The following MACROD2 variants were observed in gnomAD, a reference collection of about 807,000 sequenced individuals.
MACROD2 encodes the protein ADP-ribose glycohydrolase MACROD2.
Under a neutral mutation model 70.4 loss-of-function variants are expected in MACROD2, and 36 were observed. The observed-to-expected ratio is 0.51, with a 90% CI of 0.39 to 0.68. The LOEUF (loss-of-function observed/expected upper bound fraction) is 0.68. Among genes scored for constraint, MACROD2 ranks in the 30% least tolerant of loss-of-function variants. The probability of loss-of-function intolerance (pLI) is 0.00; values close to 1 mark genes in which losing one functional copy is unlikely to be tolerated. For synonymous variants in MACROD2, 172 were observed against 178.8 expected (o/e 0.96, Z 0.30); for missense variants, 496 against 538.4 (o/e 0.92, Z 0.78).
intron 6 of MACROD2, among the ~76,000 whole-genome samples, chr20:15,283,099 A>G (rs144489302): frequency 1.9e-3 from 285 of 152,320 alleles, no homozygotes; most frequent in Non-Finnish European, 2.9e-3. Context: ...TCACAAGAAC[A>G]GAATGGGGGA....
At chr20:14,569,496 C>A (rs1342712368) in intron 4 of MACROD2, among the ~76,000 whole-genome samples, 1 of 151,822 alleles carries the variant, frequency 6.6e-6, no homozygotes, top group Non-Finnish European at 1.5e-5. Flanking sequence ...TATTCAGTAT[C>A]CTCCACAACC....
intron 15 of MACROD2, among the ~76,000 whole-genome samples, chr20:16,003,975 T>C (rs1327712937): frequency 6.6e-6 from 1 of 152,124 alleles, no homozygotes; most frequent in East Asian, 1.9e-4. Flanking sequence ...GGCCAAAATT[T>C]TGCATTTTTA....
intron 8 of MACROD2, among the ~76,000 whole-genome samples, chr20:15,801,482 G>GAAAAA (rs71190201): frequency 7.0e-6 from 1 of 143,416 alleles, no homozygotes; most frequent in African/African-American, 2.6e-5. Context: ...TATCAAACAT[G>GAAAAA]AAAAAAAAAA....
chr20:15,549,930 T>C (rs1475802840), intron 8 of MACROD2, among the ~76,000 whole-genome samples: 1 of 152,002 alleles, frequency 6.6e-6, no homozygotes, highest in African/African-American at 2.4e-5. Context: ...AAATGCGACA[T>C]ATATACCCTA....
chr20:14,712,477 T>C (rs1015386960), intron 5 of MACROD2, among the ~76,000 whole-genome samples: 1 of 152,180 alleles, frequency 6.6e-6, no homozygotes, highest in African/African-American at 2.4e-5. Context: ...TGATACACGT[T>C]GAATGCCCTG....
chr20:14,530,249 A>G (rs1443736584), intron 4 of MACROD2, among the ~76,000 whole-genome samples: 1 of 152,200 alleles, frequency 6.6e-6, no homozygotes, highest in Admixed American at 6.5e-5. Flanking sequence ...AGGCAAAGAC[A>G]TACAGATATT....
At chr20:14,751,577 A>G (rs1300834514) in intron 5 of MACROD2, among the ~76,000 whole-genome samples, 2 of 152,232 alleles carry the variant, frequency 1.3e-5, no homozygotes, top group Non-Finnish European at 2.9e-5. Flanking sequence ...CTGAAGTTAA[A>G]TAAAGCACTG....
At chr20:14,511,499 G>A (rs1393319089) in intron 4 of MACROD2, among the ~76,000 whole-genome samples, 1 of 151,966 alleles carries the variant, frequency 6.6e-6, no homozygotes, top group Non-Finnish European at 1.5e-5. Flanking sequence ...TAATATCTGT[G>A]ATCTTTTTGG....
At chr20:14,836,973 A>T (rs1483396612) in intron 5 of MACROD2, among the ~76,000 whole-genome samples, 7 of 152,040 alleles carry the variant, frequency 4.6e-5, no homozygotes, top group Non-Finnish European at 8.8e-5. Flanking sequence ...AGAGTTCATA[A>T]AAGTTTTTCA....
chr20:15,772,064 G>A (rs374733603), intron 8 of MACROD2, among the ~76,000 whole-genome samples: 41 of 121,786 alleles, frequency 3.4e-4, no homozygotes, highest in African/African-American at 1.2e-3. Flanking sequence ...CAGCCTGAGC[G>A]ACAAAGTGAG....
intron 6 of MACROD2, among the ~76,000 whole-genome samples, chr20:15,349,777 C>T (rs1451565001): frequency 2.1e-5 from 3 of 144,300 alleles, no homozygotes; most frequent in Non-Finnish European, 4.6e-5. Flanking sequence ...AAACACACCA[C>T]GAAAAATTAT....
chr20:14,490,867 A>C (rs530857006), intron 3 of MACROD2, among the ~76,000 whole-genome samples: 11 of 152,268 alleles, frequency 7.2e-5, no homozygotes, highest in African/African-American at 2.2e-4. Context: ...AACTTCAGTA[A>C]ACAAATCCCT....
rs1359109237 is a variant in MACROD2, at chr20:15,470,876, T to G, written c.572-28898T>G. Among the ~76,000 whole-genome samples the G allele has an allele frequency of 3.3e-5, 5 of 152,206 alleles. No homozygotes were observed. In the South Asian group the frequency reaches 1.0e-3, roughly 31 times the overall value. On this transcript the variant is annotated intron_variant, in intron 7 of 17. Coordinates refer to ENST00000684519, the MANE Select transcript of MACROD2 (RefSeq NM_001351661.2). ...ACTCCTCTCTGCCACCTTTGATCTC[T>G]TGTCCTCCCTCACTTCCTTCTTTGC...
intron 8 of MACROD2, among the ~76,000 whole-genome samples, chr20:15,782,717 C>CAAAAAAAAAAAAAAAAAAA (rs11472322): frequency 1.2e-5 from 1 of 83,354 alleles, no homozygotes; most frequent in Non-Finnish European, 2.4e-5. Flanking sequence ...AGAGAAATGG[C>CAAAAAAAAAAAAAAAAAAA]AAAAAAAAAA....
At chr20:14,169,448 G>C (rs1028245560) in intron 3 of MACROD2, among the ~76,000 whole-genome samples, 1 of 151,814 alleles carries the variant, frequency 6.6e-6, no homozygotes, top group Non-Finnish European at 1.5e-5. Context: ...GGGATTACAG[G>C]CATGTGCCAC....
intron 5 of MACROD2, among the ~76,000 whole-genome samples, chr20:15,150,605 T>C (rs1040509109): frequency 4.6e-5 from 7 of 151,910 alleles, no homozygotes; most frequent in Non-Finnish European, 1.0e-4. Context: ...GATTAGGTTT[T>C]AATGGGATGG....
chr20:14,434,464 A>G (rs2084032545), intron 3 of MACROD2, among the ~76,000 whole-genome samples: 1 of 151,818 alleles, frequency 6.6e-6, no homozygotes, highest in African/African-American at 2.4e-5. Context: ...CTCTCATAAC[A>G]CTTCTACCTT....
chr20:14,605,129 G>C (rs1215632721), intron 4 of MACROD2, among the ~76,000 whole-genome samples: 5 of 152,296 alleles, frequency 3.3e-5, no homozygotes, highest in South Asian at 2.1e-4. Context: ...CAGATAGCTA[G>C]TAAAGGGATA....
chr20:15,593,315 G>C (rs1353452739), intron 8 of MACROD2, among the ~76,000 whole-genome samples: 1 of 152,150 alleles, frequency 6.6e-6, no homozygotes, highest in Non-Finnish European at 1.5e-5. Flanking sequence ...CTTAGGATGA[G>C]ACTCTGGTGT....
Sources: allele counts gnomAD v4.1 joint callset (sites outside exome capture counted in the v4.1 genomes callset), GRCh38; gene constraint gnomAD v4.1.1; transcripts MANE v1.5; gene names NCBI Gene and HGNC (gene_info 2026-07-23, HGNC 2026-07-21).